The following CACNA1C variants were observed in gnomAD, a reference collection of about 807,000 sequenced individuals.
CACNA1C encodes the protein calcium voltage-gated channel subunit alpha1 C.
Under a neutral mutation model 229.0 loss-of-function variants are expected in CACNA1C, and 30 were observed. The ratio of observed to expected loss-of-function variants is 0.13; its 90% CI spans 0.10 to 0.18. The LOEUF (loss-of-function observed/expected upper bound fraction) is 0.18, where lower values mean the gene tolerates loss of function less well. Ranked by LOEUF, CACNA1C falls within the 10% of genes least tolerant of loss-of-function variation. CACNA1C has a pLI of 1.00. For synonymous variants in CACNA1C, 1,114 were observed against 1,132.5 expected, an observed-to-expected ratio of 0.98 and a Z score of 0.33; for missense variants, 1,658 against 2,845.0, an observed-to-expected ratio of 0.58 and a Z score of 9.49.
chr12:2,593,490 A>G, intron 19 of CACNA1C, 145 bp downstream of exon 19: 1 of 708,474 alleles, frequency 1.4e-6, no homozygotes, highest in South Asian at 2.8e-5. Context: ...CATTTAGGGA[A>G]GAGTCCTGGA....
At chr12:2,040,592 T>C (rs917521844) in intron 1 of CACNA1C, among the ~76,000 whole-genome samples, 1 of 152,244 alleles carries the variant, frequency 6.6e-6, no homozygotes, top group Admixed American at 6.5e-5. Context: ...TCTTTTCAAA[T>C]AGACAATTAA....
chr12:2,493,051 T>C lies in CACNA1C; in HGVS notation c.917-139T>C. ...CACATCTGGGGACCTGATTTAAACA[T>C]GTCTTGCGCTGTTGTTGCCATGGTT... On this transcript the variant is annotated intron_variant, in intron 6 of 46. Transcript: ENST00000399655. The surrounding 1 kb of genome is among the most constrained non-coding windows in gnomAD (Gnocchi z 4.6). 1 of 647,962 alleles carries C rather than the reference T, an allele frequency of 1.5e-6. No individual in the cohort carries two copies. Among genetic ancestry groups the C allele is most frequent in the East Asian group, 2.8e-5 (1 of 36,326 alleles). 40.1% of individuals were successfully genotyped at this position (647,962 alleles called of 1,614,324 possible).
At chr12:2,283,589 C>T (rs193094258) in intron 3 of CACNA1C, among the ~76,000 whole-genome samples, 21 of 152,276 alleles carry the variant, frequency 1.4e-4, no homozygotes, top group Admixed American at 3.3e-4. Flanking sequence ...GCACAGTGCC[C>T]GGTACACAGC....
rs547567588 is a variant in CACNA1C, at chr12:2,413,645, G to A, written c.478-35331G>A. On this transcript the variant is annotated intron_variant, in intron 3 of 46. Transcript: ENST00000399655. ...ACAGCCCCTCTGGCTGGGTCTGGCC[G>A]CCGTCCTACCATCTCACTCAAGTCC... Among the ~76,000 whole-genome samples the A allele has an allele frequency of 1.7e-4, 26 of 152,244 alleles. 1 individual carries two copies. The East Asian group carries it at 2.9e-3, about 17-fold the overall frequency.
chr12:2,547,650 A>G, intron 9 of CACNA1C: 1 of 669,536 alleles, frequency 1.5e-6, no homozygotes, highest in Non-Finnish European at 2.8e-6. Context: ...GTGTATGTAT[A>G]TATGTTGTGT....
chr12:2,266,362 T>C (rs1266338001), intron 3 of CACNA1C, among the ~76,000 whole-genome samples: 2 of 152,244 alleles, frequency 1.3e-5, no homozygotes, highest in African/African-American at 4.8e-5. Flanking sequence ...GCTGAGCATA[T>C]TGACCTGGGG....
At chr12:2,571,515 C>T (rs928751907) in intron 13 of CACNA1C, among the ~76,000 whole-genome samples, 1 of 152,134 alleles carries the variant, frequency 6.6e-6, no homozygotes, top group Non-Finnish European at 1.5e-5. Context: ...ATTGTTATGA[C>T]ATCTTGAAAA....
In CACNA1C at chr12:2,029,394, G is replaced by C. The variant is rs954039565; in HGVS notation, c.139+58193G>C. Reference sequence around the variant, plus strand: ...ACTAACTTTTTCATTAGTCCCGAAGGAAACCCTGTACCCATTAAGAAGACA... The same window carrying C: ...ACTAACTTTTTCATTAGTCCCGAAGCAAACCCTGTACCCATTAAGAAGACA... On this transcript the variant is annotated intron_variant, in intron 1 of 46. Coordinates refer to the CACNA1C transcript ENST00000682462. This position sits in a 1 kb window ranked among gnomAD's most constrained non-coding sequence, Gnocchi z 4.9. Among the ~76,000 whole-genome samples the C allele has an allele frequency of 6.6e-6, 1 of 152,082 alleles. No homozygotes were observed. The highest frequency in any genetic ancestry group is 2.4e-5 in the African/African-American group (1 of 41,400).
intron 29 of CACNA1C, among the ~76,000 whole-genome samples, chr12:2,629,289 A>G (rs1396802302): frequency 2.0e-5 from 2 of 102,116 alleles, no homozygotes; most frequent in Admixed American, 2.2e-4. Flanking sequence ...GATTTCTTAC[A>G]TAGGTAGTCA....
At chr12:2,599,274 G>A (rs1229456746) in intron 21 of CACNA1C, among the ~76,000 whole-genome samples, 1 of 152,156 alleles carries the variant, frequency 6.6e-6, no homozygotes, top group Non-Finnish European at 1.5e-5. Context: ...ACACTCCCCT[G>A]TACCTCCTTC....
At chr12:2,218,939 T>TTC (rs1231852486) in intron 3 of CACNA1C, among the ~76,000 whole-genome samples, 2 of 152,172 alleles carry the variant, frequency 1.3e-5, no homozygotes, top group African/African-American at 4.8e-5. Flanking sequence ...TGAAATGCCT[T>TTC]TCAAGTTAAG....
intron 3 of CACNA1C, among the ~76,000 whole-genome samples, chr12:2,243,943 A>T (rs1318755196): frequency 6.6e-6 from 1 of 152,214 alleles, no homozygotes; most frequent in African/African-American, 2.4e-5. Context: ...ACATAAGGGA[A>T]ATGGTGCTGT....
At chr12:2,190,116 G>A (rs1034384243) in intron 3 of CACNA1C, among the ~76,000 whole-genome samples, 1 of 152,236 alleles carries the variant, frequency 6.6e-6, no homozygotes, top group Non-Finnish European at 1.5e-5. Flanking sequence ...AAATTTATTG[G>A]AAGGAGGGAG....
chr12:2,577,145 A>G (rs2058707810), intron 13 of CACNA1C, among the ~76,000 whole-genome samples: 1 of 152,168 alleles, frequency 6.6e-6, no homozygotes, highest in Non-Finnish European at 1.5e-5. Context: ...GTTGAATGGG[A>G]AGCAACAGTA....
At chr12:2,277,404 C>G (rs1177816453) in intron 3 of CACNA1C, among the ~76,000 whole-genome samples, 1 of 141,778 alleles carries the variant, frequency 7.1e-6, no homozygotes, top group African/African-American at 2.6e-5. Flanking sequence ...CACACACACA[C>G]ACACACACAC....
chr12:2,502,563 G>A (rs2099763028), intron 7 of CACNA1C, among the ~76,000 whole-genome samples: 1 of 152,226 alleles, frequency 6.6e-6, no homozygotes, highest in Non-Finnish European at 1.5e-5. Context: ...TCTTGCCCCA[G>A]ACACGATATT....
chr12:2,364,298 C>T (rs532665587), intron 3 of CACNA1C, among the ~76,000 whole-genome samples: 2 of 152,264 alleles, frequency 1.3e-5, no homozygotes, highest in African/African-American at 4.8e-5. Flanking sequence ...TTTTTACAGG[C>T]GTCTCTGAGA....
At position 2,184,322 on chromosome 12, in the gene CACNA1C, T is replaced by C. The variant is rs549538549; in HGVS notation, c.477+63892T>C. Reference sequence around the variant, plus strand: ...AAATCTTCTAGGATGCTCCATGGACTGTAGGAGGAGCTCTGACTTCCCGAC... The same window carrying C: ...AAATCTTCTAGGATGCTCCATGGACCGTAGGAGGAGCTCTGACTTCCCGAC... On this transcript the variant is annotated intron_variant, in intron 3 of 46. Transcript: ENST00000399655. 1.7e-3 allele frequency among the ~76,000 whole-genome samples: 253 copies of C among 152,218 alleles called. 2 individuals are homozygous for C. The highest frequency in any genetic ancestry group is 3.1e-3 in the Non-Finnish European group (214 of 68,026).
intron 3 of CACNA1C, among the ~76,000 whole-genome samples, chr12:2,425,695 T>G (rs568910217): frequency 6.6e-6 from 1 of 152,336 alleles, no homozygotes; most frequent in East Asian, 1.9e-4. Context: ...CTGGGCTTCA[T>G]GCTCTCCTCA....
Sources: allele counts gnomAD v4.1 joint callset (sites outside exome capture counted in the v4.1 genomes callset), GRCh38; gene constraint gnomAD v4.1.1; non-coding constraint Gnocchi (gnomAD v3.1); transcripts MANE v1.5; gene names NCBI Gene and HGNC (gene_info 2026-07-23, HGNC 2026-07-21).